The following BRINP2 variants were observed in gnomAD, a reference collection of about 807,000 sequenced individuals.
BRINP2 encodes BMP/retinoic acid inducible neural specific 2, also known as BMP/retinoic acid-inducible neural-specific protein 2.
In BRINP2, 21 loss-of-function variants were observed where a neutral mutation model predicts 69.2. That is an observed-to-expected ratio of 0.30 (90% confidence interval 0.22 to 0.44). The LOEUF is 0.44. Among genes scored for constraint, BRINP2 ranks in the 20% least tolerant of loss-of-function variants. The pLI is 1.00. For synonymous variants in BRINP2, 380 were observed against 394.1 expected (o/e 0.96, Z 0.42); for missense variants, 877 against 986.0 (o/e 0.89, Z 1.48).
chr1:177,273,523 C>T lies in BRINP2; in HGVS notation c.705C>T (p.Ser235=), dbSNP rs1221675397. 4 of 1,610,044 alleles carry T rather than the reference C, an allele frequency of 2.5e-6. No individual in the cohort carries two copies. The Admixed American group carries it at 5.0e-5, about 20-fold the overall frequency. Reference sequence around the variant, plus strand: ...CCAGGACCGGTCCTCTGGGCTGCAGCAACTATGACAATCTGGACTCAGTCA... The same window carrying T: ...CCAGGACCGGTCCTCTGGGCTGCAGTAACTATGACAATCTGGACTCAGTCA... ...TETRTGPLGC[S]NYDNLDSVSS... Residue 235 remains serine, a synonymous_variant, in exon 5 of 8, where the codon AGC becomes AGT. Transcript: ENST00000361539.
Position 177,171,154 on chromosome 1 carries a change from A to G in BRINP2, c.-655A>G, listed in dbSNP as rs1266076132. ...TGCCGTGCGCTCCGAGGTCAGTGGC[A>G]GGTCTGCAGGCAGCCGAGGGAGCGG... On this transcript the variant is annotated 5_prime_UTR_variant, in exon 1 of 8. Coordinates refer to ENST00000361539, the MANE Select transcript of BRINP2 (RefSeq NM_021165.4). 6.6e-6 allele frequency among the ~76,000 whole-genome samples: 1 copy of G among 152,216 alleles called. No individual in the cohort carries two copies. Among genetic ancestry groups the G allele is most frequent in the African/African-American group, 2.4e-5 (1 of 41,466 alleles).
intron 1 of BRINP2, among the ~76,000 whole-genome samples, chr1:177,194,668 T>A (rs1648688156): frequency 6.6e-6 from 1 of 152,214 alleles, no homozygotes; most frequent in African/African-American, 2.4e-5. Flanking sequence ...CAGCTTCCCA[T>A]GACTAAGAAG....
At chr1:177,238,608 TC>T (rs1160281315) in intron 2 of BRINP2, among the ~76,000 whole-genome samples, 2 of 152,078 alleles carry the variant, frequency 1.3e-5, no homozygotes, top group Non-Finnish European at 2.9e-5. Flanking sequence ...AGCTGGGGTC[TC>T]AATCCATGAA....
intron 2 of BRINP2, among the ~76,000 whole-genome samples, chr1:177,240,028 C>A (rs938013928): frequency 1.3e-5 from 2 of 152,184 alleles, no homozygotes; most frequent in Non-Finnish European, 2.9e-5. Flanking sequence ...GTCTTACTGG[C>A]TGGGCAGGAG....
At chr1:177,231,808 G>T (rs1649868347) in intron 2 of BRINP2, among the ~76,000 whole-genome samples, 1 of 152,182 alleles carries the variant, frequency 6.6e-6, no homozygotes, top group Non-Finnish European at 1.5e-5. Flanking sequence ...AACTCAGGCT[G>T]GGAGGGGCTG....
intron 4 of BRINP2, among the ~76,000 whole-genome samples, chr1:177,262,716 G>T (rs903985012): frequency 1.3e-4 from 20 of 152,124 alleles, no homozygotes; most frequent in African/African-American, 4.8e-4. Flanking sequence ...CTTTTGATTG[G>T]CTTCTTCTTC....
intron 1 of BRINP2, among the ~76,000 whole-genome samples, chr1:177,182,119 G>A (rs1354788429): frequency 1.7e-5 from 1 of 58,680 alleles, no homozygotes; most frequent in Non-Finnish European, 3.3e-5. Context: ...CTCCCTCCCT[G>A]CCCCACCCCT....
chr1:177,253,303 G>A (rs957181242), intron 2 of BRINP2, among the ~76,000 whole-genome samples: 3 of 152,142 alleles, frequency 2.0e-5, no homozygotes, highest in African/African-American at 7.2e-5. Context: ...GATTAGCGAT[G>A]TTGAGCATTT....
At chr1:177,190,758 G>A (rs1648572099) in intron 1 of BRINP2, among the ~76,000 whole-genome samples, 1 of 152,130 alleles carries the variant, frequency 6.6e-6, no homozygotes, top group South Asian at 2.1e-4. Flanking sequence ...CAGACTCCAG[G>A]GTCAGATTGC....
At chr1:177,215,266 T>C (rs1186041952) in intron 1 of BRINP2, among the ~76,000 whole-genome samples, 8 of 152,230 alleles carry the variant, frequency 5.3e-5, no homozygotes, top group Non-Finnish European at 1.0e-4. Flanking sequence ...TCATATTCCA[T>C]TGTTTTTTCT....
At chr1:177,225,024 T>A (rs113369835) in intron 1 of BRINP2, among the ~76,000 whole-genome samples, 13 of 152,296 alleles carry the variant, frequency 8.5e-5, no homozygotes, top group Admixed American at 5.2e-4. Flanking sequence ...CCTCAAATCC[T>A]GAGTGTGTCG....
intron 4 of BRINP2, among the ~76,000 whole-genome samples, chr1:177,272,342 C>T (rs1187593617): frequency 6.6e-6 from 1 of 152,232 alleles, no homozygotes; most frequent in South Asian, 2.1e-4. Flanking sequence ...ATGCAGTACA[C>T]AATGTGTACA....
rs115791016 is a variant in BRINP2, at chr1:177,213,608, A to G, written c.-76-16193A>G. On this transcript the variant is annotated intron_variant, in intron 1 of 7. Transcript: ENST00000361539. ...GCAATTCAAAATTAGGCTGAAAATA[A>G]TTAATCTGTTTTGATTCAGAAGTGA... 7.0e-3 allele frequency among the ~76,000 whole-genome samples: 1,065 copies of G among 152,350 alleles called. 9 individuals are homozygous for G. The highest frequency in any genetic ancestry group is 0.022 in the African/African-American group (920 of 41,580).
rs568787478 is a variant in BRINP2, at chr1:177,208,265, T to C, written c.-76-21536T>C. On this transcript the variant is annotated intron_variant, in intron 1 of 7. Coordinates refer to ENST00000361539, the MANE Select transcript of BRINP2 (RefSeq NM_021165.4). ...CCTCCCAGGCTTGGAGACTGGAAAG[T>C]TGCCGCAGGTTTTGCAGAAGTCAAG... Among the ~76,000 whole-genome samples, 18 of 152,250 alleles carry C rather than the reference T, an allele frequency of 1.2e-4. No homozygotes were observed. The East Asian group carries it at 3.1e-3, about 26-fold the overall frequency.
intron 4 of BRINP2, among the ~76,000 whole-genome samples, chr1:177,261,230 A>G (rs996679016): frequency 6.6e-6 from 1 of 152,048 alleles, no homozygotes; most frequent in African/African-American, 2.4e-5. Flanking sequence ...TGCAGGGGCC[A>G]TATCATGAAG....
rs1651711860 is a variant in BRINP2 at position 177,281,728 on chromosome 1, A to G, written c.*200A>G. The G allele has an allele frequency of 7.4e-6, 4 of 544,072 alleles. No individual in the cohort carries two copies. Among genetic ancestry groups the G allele is most frequent in the Admixed American group, 3.7e-5 (1 of 27,384 alleles). The allele number at this position is 544,072 out of a possible 1,614,324, so 33.7% of individuals were successfully genotyped here. ...TGCGTGCGCGCACGCATACACACAC[A>G]CACACACACACTGGCACAGGGAGGC... On this transcript the variant is annotated 3_prime_UTR_variant, in exon 8 of 8. Transcript: ENST00000361539.
intron 4 of BRINP2, among the ~76,000 whole-genome samples, chr1:177,269,468 A>G (rs1651236939): frequency 6.6e-6 from 1 of 152,312 alleles, no homozygotes; most frequent in South Asian, 2.1e-4. Context: ...AGGGCTTGAC[A>G]TGCTCACAAG....
rs142708611 is a variant in BRINP2 at position 177,276,287 on chromosome 1, G to C, written c.865G>C (p.Val289Leu). Residue 289 changes from valine to leucine, a missense_variant, in exon 6 of 8, where the codon GTC (valine) becomes CTC (leucine). This residue lies in a region of BRINP2 where 566 missense variants were observed against 625.2 expected (regional missense o/e 0.91). Transcript: ENST00000361539. ...CACATGCAGCTCTGAGGGTGAGCTC[G>C]TCTGCAAGGAGAATGACTGCTGGTG... ...YITCSSEGEL[V>L]CKENDCWCKC... The C allele has an allele frequency of 1.2e-5, 19 of 1,614,220 alleles. No individual in the cohort carries two copies. Among genetic ancestry groups the C allele is most frequent in the Admixed American group, 3.3e-5 (2 of 60,030 alleles).
chr1:177,181,096 C>T (rs566520149), intron 1 of BRINP2, among the ~76,000 whole-genome samples: 2 of 152,192 alleles, frequency 1.3e-5, no homozygotes, highest in Admixed American at 1.3e-4. Context: ...AAAATGGGTA[C>T]AGAGAGGTTA....
Sources: gnomAD v4.1 joint callset for allele counts (sites outside exome capture counted in the v4.1 genomes callset) on GRCh38, gnomAD v4.1.1 for gene constraint, gnomAD v4.1.1 regional missense constraint, MANE v1.5 for transcripts, NCBI Gene and HGNC (gene_info 2026-07-23, HGNC 2026-07-21) for gene names.